Variants in HHAT observed in about 807,000 individuals in gnomAD.
HHAT encodes protein-cysteine N-palmitoyltransferase HHAT.
Under a neutral mutation model 70.8 loss-of-function variants are expected in HHAT, and 47 were observed. That is an observed-to-expected ratio of 0.66 (90% confidence interval 0.53 to 0.85). The LOEUF is 0.85. Among genes scored for constraint, HHAT ranks in the 40% least tolerant of loss-of-function variants. The pLI is 0.00. For missense variants in HHAT, 609 were observed against 604.8 expected, an observed-to-expected ratio of 1.01 and a Z score of -0.07; for synonymous variants, 228 against 247.6, an observed-to-expected ratio of 0.92 and a Z score of 0.74.
chr1:210,646,919 G>A (rs1217230624), intron 11 of HHAT, among the ~76,000 whole-genome samples: 1 of 152,144 alleles, frequency 6.6e-6, no homozygotes, highest in African/African-American at 2.4e-5. Context: ...AGCATCCCCA[G>A]CTATTCCAAT....
chr1:210,547,873 A>T (rs1005065957), intron 9 of HHAT, among the ~76,000 whole-genome samples: 13 of 152,362 alleles, frequency 8.5e-5, no homozygotes, highest in African/African-American at 3.1e-4. Context: ...AGCCAGGTGG[A>T]CATCTTAAGT....
intron 7 of HHAT, among the ~76,000 whole-genome samples, chr1:210,453,843 T>TAATA (rs2093805576): frequency 2.0e-5 from 3 of 152,288 alleles, no homozygotes; most frequent in Admixed American, 6.5e-5. Flanking sequence ...TTAGGCAAAG[T>TAATA]GAGTGATGGA....
chr1:210,448,819 C>T (rs898358691), intron 7 of HHAT, among the ~76,000 whole-genome samples: 6 of 152,116 alleles, frequency 3.9e-5, no homozygotes, highest in Admixed American at 2.0e-4. Flanking sequence ...GTGAGGGTCT[C>T]CCAGCCCCTT....
intron 7 of HHAT, among the ~76,000 whole-genome samples, chr1:210,428,692 G>A (rs913552179): frequency 2.0e-5 from 3 of 151,540 alleles, no homozygotes; most frequent in African/African-American, 4.9e-5. Flanking sequence ...AAAAACCTTC[G>A]TGGGCCAGGT....
At chr1:210,388,765 C>T (rs981207561) in intron 4 of HHAT, among the ~76,000 whole-genome samples, 1 of 151,572 alleles carries the variant, frequency 6.6e-6, no homozygotes, top group African/African-American at 2.4e-5. Context: ...TTTTTTTCCC[C>T]AAGAATTCAA....
chr1:210,473,486 G>A (rs2094245273), intron 8 of HHAT, among the ~76,000 whole-genome samples: 1 of 152,106 alleles, frequency 6.6e-6, no homozygotes, highest in African/African-American at 2.4e-5. Flanking sequence ...ACAGCACCGA[G>A]GGGGACGGGA....
intron 3 of HHAT, among the ~76,000 whole-genome samples, chr1:210,378,225 T>G (rs2090376002): frequency 6.6e-6 from 1 of 152,214 alleles, no homozygotes; most frequent in Admixed American, 6.5e-5. Context: ...GTTTGCTGCC[T>G]TTGAATGTGC....
intron 9 of HHAT, among the ~76,000 whole-genome samples, chr1:210,546,233 C>T (rs2095482203): frequency 1.3e-5 from 2 of 152,172 alleles, no homozygotes; most frequent in Admixed American, 1.3e-4. Flanking sequence ...GTCCCTGATA[C>T]AAAGTGGCCC....
intron 8 of HHAT, among the ~76,000 whole-genome samples, chr1:210,506,877 T>C (rs1449865480): frequency 6.6e-6 from 1 of 152,144 alleles, no homozygotes; most frequent in Non-Finnish European, 1.5e-5. Flanking sequence ...TTCTTGCCCT[T>C]ATGAAGTTTT....
chr1:210,613,766 C>A (rs1205865297), intron 10 of HHAT, among the ~76,000 whole-genome samples: 1 of 152,076 alleles, frequency 6.6e-6, no homozygotes, highest in Non-Finnish European at 1.5e-5. Flanking sequence ...GCCTATAATT[C>A]CAGCACTTTG....
chr1:210,353,945 T>C (rs1255188412), intron 2 of HHAT, among the ~76,000 whole-genome samples: 1 of 152,198 alleles, frequency 6.6e-6, no homozygotes, highest in African/African-American at 2.4e-5. Flanking sequence ...TGTGTTTGGA[T>C]TGTTGATTGT....
chr1:210,586,469 T>A (rs1240461116), intron 9 of HHAT, among the ~76,000 whole-genome samples: 1 of 152,136 alleles, frequency 6.6e-6, no homozygotes, highest in African/African-American at 2.4e-5. Context: ...TTGAAAACAT[T>A]TTGAATAGAA....
At chr1:210,486,579 C>T (rs868492061) in intron 8 of HHAT, among the ~76,000 whole-genome samples, 3 of 152,198 alleles carry the variant, frequency 2.0e-5, no homozygotes, top group South Asian at 2.1e-4. Context: ...ACAGAGTCCA[C>T]ACCCAGACCT....
At position 210,387,533 on chromosome 1, in the gene HHAT, C is replaced by T; in HGVS notation, c.225C>T (p.Leu75=). ...EWGKQWLVWL[L]LGHMVVSQMA... is the part of the protein sequence containing the mutation. ...GGAAGCAGTGGCTGGTGTGGCTTCTCCTTGGCCACATGGTAGTGTCTCAAA... is the reference window on the plus strand; with the variant it reads ...GGAAGCAGTGGCTGGTGTGGCTTCTTCTTGGCCACATGGTAGTGTCTCAAA... Residue 75 remains leucine (L), a synonymous_variant, in exon 4 of 12, where the codon CTC becomes CTT. Transcript: ENST00000261458. 6.2e-7 allele frequency: 1 copy of T among 1,613,984 alleles called. No homozygotes were observed.
intron 4 of HHAT, among the ~76,000 whole-genome samples, chr1:210,397,912 A>G (rs967377184): frequency 6.6e-6 from 1 of 152,204 alleles, no homozygotes; most frequent in Non-Finnish European, 1.5e-5. Context: ...GGCTACCTCT[A>G]TAATGGGGAC....
chr1:210,618,757 C>T (rs571744437), intron 10 of HHAT, among the ~76,000 whole-genome samples: 3 of 152,298 alleles, frequency 2.0e-5, no homozygotes, highest in East Asian at 1.9e-4. Flanking sequence ...CCCCCATCCC[C>T]GGCTTGTTTG....
At chr1:210,379,244 C>T (rs1572023263) in intron 3 of HHAT, among the ~76,000 whole-genome samples, 1 of 152,238 alleles carries the variant, frequency 6.6e-6, no homozygotes, top group African/African-American at 2.4e-5. Flanking sequence ...CCATTTTCTT[C>T]AGAAGTCTCA....
chr1:210,610,233 A>G lies in HHAT; in HGVS notation c.1246-13293A>G, dbSNP rs180675673. Among the ~76,000 whole-genome samples, 936 of 152,288 alleles carry G rather than the reference A, an allele frequency of 6.1e-3. 13 individuals carry two copies. The highest frequency in any genetic ancestry group is 0.021 in the African/African-American group (886 of 41,558). On this transcript the variant is annotated intron_variant, in intron 10 of 11. Transcript: ENST00000261458. ...GCCATTCTGACTGGCATGAGATGCTATCTCATTGTGGTTTTGATTTGCATT... is the reference window on the plus strand; with the variant it reads ...GCCATTCTGACTGGCATGAGATGCTGTCTCATTGTGGTTTTGATTTGCATT...
intron 11 of HHAT, among the ~76,000 whole-genome samples, chr1:210,650,065 T>C (rs147201193): frequency 6.6e-6 from 1 of 152,344 alleles, no homozygotes; most frequent in East Asian, 1.9e-4. Flanking sequence ...AGAAACCTGT[T>C]CATCTTGCCT....
Sources: allele counts gnomAD v4.1 joint callset (sites outside exome capture counted in the v4.1 genomes callset), GRCh38; gene constraint gnomAD v4.1.1; transcripts MANE v1.5; gene names NCBI Gene and HGNC (gene_info 2026-07-23, HGNC 2026-07-21).